The following DCC variants were observed in gnomAD, a reference collection of about 807,000 sequenced individuals.
DCC encodes the protein netrin receptor DCC.
In DCC, 58 loss-of-function variants were observed where a neutral mutation model predicts 172.5. That is an observed-to-expected ratio of 0.34 (90% CI 0.27 to 0.42). DCC has a LOEUF of 0.42. Among genes scored for constraint, DCC ranks in the 10% least tolerant of loss-of-function variants. The pLI, the probability that DCC is intolerant of heterozygous loss-of-function variation, is 1.00. For synonymous variants in DCC, 709 were observed against 644.5 expected (o/e 1.10, Z -1.52); for missense variants, 1,740 against 1,791.0 (o/e 0.97, Z 0.51).
chr18:53,116,467 C>T (rs2043410669), intron 7 of DCC, among the ~76,000 whole-genome samples: 1 of 151,708 alleles, frequency 6.6e-6, no homozygotes, highest in African/African-American at 2.4e-5. Context: ...TCTCCAGACC[C>T]TGTTTTCCTG....
At chr18:53,232,592 C>A (rs2056139827) in intron 12 of DCC, among the ~76,000 whole-genome samples, 1 of 152,136 alleles carries the variant, frequency 6.6e-6, no homozygotes. Flanking sequence ...ACTGCTACAA[C>A]CTCTCAGGGT....
chr18:53,305,559 T>C lies in DCC; in HGVS notation c.1912-19T>C, dbSNP rs1204708770. The C allele has an allele frequency of 1.2e-6, 2 of 1,600,146 alleles. No homozygotes were observed. Among genetic ancestry groups the C allele is most frequent in the Non-Finnish European group, 1.7e-6 (2 of 1,167,492 alleles). The stretch of plus-strand genomic sequence containing the variant: ...CCTTTCTTTCTTCAATGTTTTAATT[T>C]ACACCTATTATTTTACAGAGTATCA... On this transcript the variant is annotated intron_variant, in intron 12 of 28. Coordinates refer to ENST00000442544, the MANE Select transcript of DCC (RefSeq NM_005215.4).
intron 12 of DCC, among the ~76,000 whole-genome samples, chr18:53,302,688 T>C (rs1425415860): frequency 1.3e-5 from 2 of 152,222 alleles, no homozygotes; most frequent in African/African-American, 2.4e-5. Context: ...TATATTCTTA[T>C]ACTTGTGCTA....
intron 5 of DCC, among the ~76,000 whole-genome samples, chr18:52,993,638 C>T (rs9956172): frequency 0.12 from 17,632 of 151,926 alleles, 1,401 homozygotes; most frequent in East Asian, 0.32. Context: ...TGGACAGAGA[C>T]AAAAAGATGA....
At position 53,391,637 on chromosome 18, in the gene DCC, G is replaced by C. The variant is rs763662674; in HGVS notation, c.2456-18G>C. The stretch of plus-strand genomic sequence containing the variant: ...CGTATTTATTTGTTTGTTTCATTTG[G>C]TGGGTTTTTAAACCCAGATCCCACT... On this transcript the variant is annotated intron_variant, in intron 16 of 28. Coordinates refer to ENST00000442544, the MANE Select transcript of DCC (RefSeq NM_005215.4). The C allele has an allele frequency of 5.4e-6, 8 of 1,473,610 alleles. No individual in the cohort carries two copies. The highest frequency in any genetic ancestry group is 7.6e-6 in the Non-Finnish European group (8 of 1,052,298). The allele number at this position is 1,473,610 out of a possible 1,614,324, so 91.3% of individuals were successfully genotyped here.
intron 26 of DCC, among the ~76,000 whole-genome samples, chr18:53,495,160 G>A (rs2046004579): frequency 1.3e-5 from 2 of 152,176 alleles, no homozygotes; most frequent in Admixed American, 6.6e-5. Context: ...GGGAGGCCAA[G>A]GCTGGTGGAG....
chr18:52,673,751 C>T (rs755210943), intron 1 of DCC, among the ~76,000 whole-genome samples: 2 of 152,202 alleles, frequency 1.3e-5, no homozygotes, highest in Non-Finnish European at 2.9e-5. Context: ...AATGTTCTTT[C>T]ACTGAAGACT....
At chr18:52,552,099 A>G (rs1745287295) in intron 1 of DCC, among the ~76,000 whole-genome samples, 1 of 152,138 alleles carries the variant, frequency 6.6e-6, no homozygotes, top group African/African-American at 2.4e-5. Context: ...CCACTCATCT[A>G]ATAGTAGAAC....
At chr18:52,788,235 T>C (rs1245755941) in intron 2 of DCC, among the ~76,000 whole-genome samples, 1 of 152,210 alleles carries the variant, frequency 6.6e-6, no homozygotes, top group Non-Finnish European at 1.5e-5. Flanking sequence ...TTATAATCTT[T>C]TACTAAAAGA....
chr18:53,025,757 G>A (rs1332749148), intron 5 of DCC, among the ~76,000 whole-genome samples: 1 of 148,466 alleles, frequency 6.7e-6, no homozygotes, highest in Non-Finnish European at 1.5e-5. Context: ...AAGATTAAAT[G>A]GGCAGAGAAT....
chr18:52,869,569 C>G (rs988116552), intron 2 of DCC, among the ~76,000 whole-genome samples: 3 of 152,196 alleles, frequency 2.0e-5, no homozygotes, highest in Non-Finnish European at 4.4e-5. Flanking sequence ...GGACCCACCC[C>G]CTTCTGCCCA....
At chr18:53,042,981 G>A (rs770414841) in intron 5 of DCC, among the ~76,000 whole-genome samples, 4 of 151,792 alleles carry the variant, frequency 2.6e-5, no homozygotes, top group Non-Finnish European at 5.9e-5. Flanking sequence ...ATACCCAAAG[G>A]ATTATAAATC....
intron 12 of DCC, among the ~76,000 whole-genome samples, chr18:53,277,514 T>C (rs1280849733): frequency 1.3e-5 from 2 of 152,194 alleles, no homozygotes; most frequent in Non-Finnish European, 2.9e-5. Context: ...TAGAAGATCT[T>C]ATGGAATGGT....
At chr18:52,966,924 A>T (rs938189094) in intron 5 of DCC, among the ~76,000 whole-genome samples, 1 of 152,308 alleles carries the variant, frequency 6.6e-6, no homozygotes, top group East Asian at 1.9e-4. Flanking sequence ...CTTTCCTGCT[A>T]TGTAAGAGGA....
chr18:53,300,575 G>A (rs894206716), intron 12 of DCC, among the ~76,000 whole-genome samples: 3 of 152,064 alleles, frequency 2.0e-5, no homozygotes, highest in East Asian at 1.9e-4. Context: ...ATTAAATAAG[G>A]TATCATTAAA....
At chr18:52,590,089 T>C (rs1370844203) in intron 1 of DCC, among the ~76,000 whole-genome samples, 1 of 152,160 alleles carries the variant, frequency 6.6e-6, no homozygotes, top group African/African-American at 2.4e-5. Flanking sequence ...AAAAGTGAAA[T>C]GTGGAATTTT....
chr18:52,349,742 G>T (rs1050224966), intron 1 of DCC, among the ~76,000 whole-genome samples: 1 of 151,974 alleles, frequency 6.6e-6, no homozygotes, highest in Non-Finnish European at 1.5e-5. Context: ...TCAATAATTC[G>T]AGCTATAAAT....
At chr18:53,362,158 T>G (rs2057954727) in intron 15 of DCC, among the ~76,000 whole-genome samples, 1 of 152,206 alleles carries the variant, frequency 6.6e-6, no homozygotes, top group Non-Finnish European at 1.5e-5. Context: ...CATACCATCT[T>G]TTATTATTTG....
chr18:53,378,027 T>A (rs1226995106), intron 15 of DCC, among the ~76,000 whole-genome samples: 1 of 152,164 alleles, frequency 6.6e-6, no homozygotes, highest in Non-Finnish European at 1.5e-5. Flanking sequence ...AGTGGCGCAA[T>A]CTCAGCTCAC....
Sources: gnomAD v4.1 joint callset for allele counts (sites outside exome capture counted in the v4.1 genomes callset) on GRCh38, gnomAD v4.1.1 for gene constraint, MANE v1.5 for transcripts, NCBI Gene and HGNC (gene_info 2026-07-23, HGNC 2026-07-21) for gene names.